The following ERLIN1 variants were observed in gnomAD, a reference collection of about 807,000 sequenced individuals.
ERLIN1 encodes the protein erlin-1.
In ERLIN1, 24 loss-of-function variants were observed where a neutral mutation model predicts 46.9. The ratio of observed to expected loss-of-function variants is 0.51; its 90% CI spans 0.37 to 0.72. The LOEUF (loss-of-function observed/expected upper bound fraction) is 0.72. ERLIN1 is among the 30% of genes least tolerant of loss of function. The pLI is 0.00. For missense variants in ERLIN1, 293 were observed against 417.9 expected, an observed-to-expected ratio of 0.70 and a Z score of 2.61; for synonymous variants, 158 against 143.2, an observed-to-expected ratio of 1.10 and a Z score of -0.74.
At chr10:100,156,819 C>T (rs538600951) in intron 8 of ERLIN1, among the ~76,000 whole-genome samples, 1 of 152,066 alleles carries the variant, frequency 6.6e-6, no homozygotes, top group East Asian at 1.9e-4. Flanking sequence ...TCAAGACCAG[C>T]TTAAGCAACA....
At chr10:100,179,643 G>A (rs1844521290) in intron 2 of ERLIN1, among the ~76,000 whole-genome samples, 1 of 152,134 alleles carries the variant, frequency 6.6e-6, no homozygotes. Flanking sequence ...TTTTAGTAAA[G>A]ATGAGGTTTC....
Position 100,164,017 on chromosome 10 carries a change from T to C in ERLIN1, c.642A>G (p.Lys214=), listed in dbSNP as rs1843500215. The change falls in exon 8 of 11, where the codon AAA becomes AAG. Residue 214 remains lysine, a synonymous_variant. Transcript: ENST00000421367. ...VVEKEAETER[K]KAVIEAEKIA... is the part of the protein sequence containing the mutation. ...AAATCCAAGTACCTATAACTGCCTT[T>C]TTCCTCTCTGTCTCAGCTTCTTTTT... 6.2e-7 allele frequency: 1 copy of C among 1,611,444 alleles called. No homozygotes were observed. The highest frequency in any genetic ancestry group is 8.5e-7 in the Non-Finnish European group (1 of 1,177,960).
chr10:100,172,001 T>G (rs1181609365), intron 6 of ERLIN1, among the ~76,000 whole-genome samples: 3 of 152,204 alleles, frequency 2.0e-5, no homozygotes, highest in Non-Finnish European at 4.4e-5. Context: ...GATTCGGTAG[T>G]ATGTATCAAT....
At chr10:100,172,111 T>C (rs924345936) in intron 6 of ERLIN1, among the ~76,000 whole-genome samples, 11 of 152,212 alleles carry the variant, frequency 7.2e-5, no homozygotes, top group African/African-American at 2.7e-4. Flanking sequence ...ATAAGCTTGG[T>C]CATTCCAACA....
At chr10:100,158,769 A>G (rs981315908) in intron 8 of ERLIN1, among the ~76,000 whole-genome samples, 7 of 152,230 alleles carry the variant, frequency 4.6e-5, no homozygotes, top group Admixed American at 4.6e-4. Context: ...AGAGGATAGA[A>G]TGATTAACAA....
intron 8 of ERLIN1, 64 bp downstream of exon 8, chr10:100,163,940 G>T: frequency 1.8e-6 from 2 of 1,083,710 alleles, no homozygotes; most frequent in Non-Finnish European, 2.8e-6. Flanking sequence ...CCCAAAATGA[G>T]ACTGACAAAG....
At chr10:100,168,680 CTT>C (rs200700163) in intron 6 of ERLIN1, among the ~76,000 whole-genome samples, 21 of 138,238 alleles carry the variant, frequency 1.5e-4, no homozygotes, top group Non-Finnish European at 1.4e-4. Flanking sequence ...TAAAGTAGGA[CTT>C]TTTTTTTTTT....
intron 2 of ERLIN1, among the ~76,000 whole-genome samples, chr10:100,179,986 C>T (rs1038113139): frequency 6.6e-6 from 1 of 152,210 alleles, no homozygotes; most frequent in Admixed American, 6.5e-5. Context: ...CATACAAGTA[C>T]TCTAAGACTC....
chr10:100,171,819 T>G (rs1844014060), intron 6 of ERLIN1, among the ~76,000 whole-genome samples: 1 of 152,206 alleles, frequency 6.6e-6, no homozygotes, highest in Admixed American at 6.5e-5. Context: ...GTATTCAACT[T>G]CAATAATTAA....
intron 2 of ERLIN1, among the ~76,000 whole-genome samples, chr10:100,181,876 A>C (rs938709408): frequency 1.3e-5 from 2 of 152,218 alleles, no homozygotes; most frequent in Non-Finnish European, 2.9e-5. Context: ...ACCGTTTTAC[A>C]CATAAAGAAC....
chr10:100,171,631 A>C (rs1844003636), intron 6 of ERLIN1, among the ~76,000 whole-genome samples: 1 of 152,144 alleles, frequency 6.6e-6, no homozygotes, highest in Non-Finnish European at 1.5e-5. Context: ...AGCTGACCTC[A>C]AACTCCTGGG....
intron 7 of ERLIN1, 47 bp from the exon 8 acceptor site, chr10:100,164,142 C>T (rs1368625094): frequency 2.4e-6 from 3 of 1,237,086 alleles, no homozygotes; most frequent in Admixed American, 1.9e-5. Context: ...CTCCTATGTG[C>T]AGTCACAGCC....
At chr10:100,174,066 G>T in intron 6 of ERLIN1, 142 bp downstream of exon 6, 1 of 620,084 alleles carries the variant, frequency 1.6e-6, no homozygotes, top group Non-Finnish European at 2.9e-6. Flanking sequence ...TTTTGGCAGA[G>T]ATCTAAAGTC....
rs1281599638 is a variant in ERLIN1, at chr10:100,185,495, G to C, written c.113+19C>G. On this transcript the variant is annotated intron_variant, in intron 1 of 10. Transcript: ENST00000421367. ...TTTAATCTGCTCTAGAGCCCTAACT[G>C]ACTGCACATGCCGCTCACCTGTAGT... is the stretch of plus-strand genomic sequence containing the variant. 2.5e-6 allele frequency: 4 copies of C among 1,570,528 alleles called. No homozygotes were observed. The African/African-American group carries it at 5.4e-5, about 21-fold the overall frequency.
intron 3 of ERLIN1, 118 bp downstream of exon 3, chr10:100,179,083 A>G (rs527421027): frequency 1.4e-6 from 1 of 726,170 alleles, no homozygotes; most frequent in South Asian, 1.7e-5. Flanking sequence ...TGCTCAGATC[A>G]GAAGTCCCCT....
intron 5 of ERLIN1, among the ~76,000 whole-genome samples, chr10:100,175,142 G>A (rs1844218714): frequency 6.6e-6 from 1 of 152,192 alleles, no homozygotes; most frequent in African/African-American, 2.4e-5. Context: ...AAAGTAAGTT[G>A]TACAGAAGTG....
Position 100,174,213 on chromosome 10 carries a change from T to A in ERLIN1, c.499A>T (p.Ile167Leu). 1 of 1,559,186 alleles carries A rather than the reference T, an allele frequency of 6.4e-7. No individual in the cohort carries two copies. The highest frequency in any genetic ancestry group is 8.7e-7 in the Non-Finnish European group (1 of 1,148,678). Residue 167 changes from isoleucine to leucine, a missense_variant, in exon 6 of 11, where the codon ATA (isoleucine) becomes TTA (leucine). Physicochemically the swap from Ile to Leu is conservative, Grantham distance 5. This residue lies in a region of ERLIN1 where 148 missense variants were observed against 266.5 expected (regional missense o/e 0.56). Transcript: ENST00000421367. ...TCCCTAGGAAAAGAACTTACCTGTA[T>A]AGTGAGACCTGGGGCCATGAGGTTT... ...DLNLMAPGLTIQAVRVTKPKI... is the reference protein window; with the variant it reads ...DLNLMAPGLTLQAVRVTKPKI...
chr10:100,156,611 G>A (rs937480636), intron 8 of ERLIN1, among the ~76,000 whole-genome samples: 1 of 152,196 alleles, frequency 6.6e-6, no homozygotes, highest in Non-Finnish European at 1.5e-5. Flanking sequence ...AATGTGGCAG[G>A]AGAAAGAAAG....
At chr10:100,183,931 G>T in intron 1 of ERLIN1, 94 bp from the exon 2 acceptor site, 1 of 836,328 alleles carries the variant, frequency 1.2e-6, no homozygotes, top group Non-Finnish European at 1.9e-6. Context: ...TCTTGCTCAT[G>T]CTGCTGACCT....
Sources: gnomAD v4.1 joint callset for allele counts (sites outside exome capture counted in the v4.1 genomes callset) on GRCh38, gnomAD v4.1.1 for gene constraint, gnomAD v4.1.1 regional missense constraint, MANE v1.5 for transcripts, NCBI Gene and HGNC (gene_info 2026-07-23, HGNC 2026-07-21) for gene names.